Variants in SLC1A7 observed in about 807,000 individuals in gnomAD.
SLC1A7 encodes the protein excitatory amino acid transporter 5.
SLC1A7 carries 40 observed loss-of-function variants against 47.7 expected under a neutral mutation model. The observed-to-expected ratio is 0.84, with a 90% confidence interval of 0.65 to 1.09. The LOEUF (loss-of-function observed/expected upper bound fraction) is 1.09, where lower values mean the gene tolerates loss of function less well. Among genes scored for constraint, SLC1A7 ranks in the 50% least tolerant of loss-of-function variants. SLC1A7 has a pLI of 0.00. For synonymous variants in SLC1A7, 323 were observed against 325.6 expected (o/e 0.99, Z 0.09); for missense variants, 746 against 769.5 (o/e 0.97, Z 0.36).
chr1:53,136,663 TA>T (rs1645002582), intron 1 of SLC1A7, among the ~76,000 whole-genome samples: 1 of 46,142 alleles, frequency 2.2e-5, no homozygotes. Flanking sequence ...TATATATATA[TA>T]TATTTTTTTT....
intron 3 of SLC1A7, chr1:53,108,488 T>G (rs1644668682): frequency 1.4e-6 from 1 of 694,056 alleles, no homozygotes; most frequent in Non-Finnish European, 2.7e-6. Flanking sequence ...AAATGGGACC[T>G]GCCATCAAGC....
chr1:53,089,628 A>G (rs894686334), intron 9 of SLC1A7, among the ~76,000 whole-genome samples, 172 bp downstream of exon 9: 1 of 152,158 alleles, frequency 6.6e-6, no homozygotes, highest in African/African-American at 2.4e-5. Flanking sequence ...ACTGGACCCC[A>G]CAAATTATGC....
At chr1:53,101,537 C>T (rs1312932054) in intron 5 of SLC1A7, among the ~76,000 whole-genome samples, 2 of 142,430 alleles carry the variant, frequency 1.4e-5, no homozygotes, top group Non-Finnish European at 3.1e-5. Context: ...CCTGACTCGT[C>T]ACACTCACTC....
At position 53,114,396 on chromosome 1, in the gene SLC1A7, G is replaced by A. The variant is rs144699270; in HGVS notation, c.431+362C>T. ...CTACCGGTGACTCTGGAAAAGTCAC[G>A]GCACCTTTTTGAGCCCCATTTCCTC... On this transcript the variant is annotated intron_variant, in intron 3 of 10. Transcript: ENST00000371494. 1.4e-4 allele frequency among the ~76,000 whole-genome samples: 22 copies of A among 152,260 alleles called. No individual in the cohort carries two copies. The East Asian group carries it at 3.9e-3, about 27-fold the overall frequency.
chr1:53,105,858 A>G, intron 3 of SLC1A7, 84 bp from the exon 4 acceptor site: 1 of 1,124,222 alleles, frequency 8.9e-7, no homozygotes, highest in Non-Finnish European at 1.4e-6. Context: ...TCATCTGGAC[A>G]TCTCCTTTGG....
chr1:53,098,011 CA>C (rs1225426876), intron 5 of SLC1A7, among the ~76,000 whole-genome samples: 2 of 150,744 alleles, frequency 1.3e-5, no homozygotes, highest in African/African-American at 4.9e-5. Flanking sequence ...GGTACACTCA[CA>C]AACCCTGCCT....
Position 53,103,514 on chromosome 1 carries a change from C to A in SLC1A7, c.529G>T (p.Ala177Ser). The part of the protein sequence containing the change: ...VKSPKVAPEE[A>S]PPRRILIYGV... ...TAGATGAGGATCCGCCGAGGAGGGG[C>A]CTCCTCTGGTGCCACCTTGGGGGAC... is the stretch of plus-strand genomic sequence containing the variant. Residue 177 changes from alanine (A) to serine (S), a missense_variant, in exon 5 of 11, where the codon GCC (alanine) becomes TCC (serine). By Grantham distance (99) the Ala-to-Ser change is moderately conservative (BLOSUM62 1). Transcript: ENST00000371494. The A allele has an allele frequency of 3.1e-6, 5 of 1,612,226 alleles. No individual in the cohort carries two copies. Among genetic ancestry groups the A allele is most frequent in the Non-Finnish European group, 4.2e-6 (5 of 1,179,044 alleles).
In SLC1A7 at chr1:53,087,921, G is replaced by A; in HGVS notation, c.*88C>T. 1.4e-6 allele frequency: 1 copy of A among 691,454 alleles called. No individual in the cohort carries two copies. The highest frequency in any genetic ancestry group is 2.3e-6 in the Non-Finnish European group (1 of 444,108). The allele number at this position is 691,454 out of a possible 1,614,324, so 42.8% of individuals were successfully genotyped here. Reference sequence around the variant, plus strand: ...AGAAGAATGTGTGATCCTGGCCCCTGCCGGCTGCTCAGGAGGGTTGGAGAG... The same window carrying A: ...AGAAGAATGTGTGATCCTGGCCCCTACCGGCTGCTCAGGAGGGTTGGAGAG... On this transcript the variant is annotated 3_prime_UTR_variant, in exon 11 of 11. Coordinates refer to ENST00000371494, the MANE Select transcript of SLC1A7 (RefSeq NM_006671.6).
chr1:53,089,827 G>A lies in SLC1A7; in HGVS notation c.1334C>T (p.Thr445Ile). 4 of 1,614,024 alleles carry A rather than the reference G, an allele frequency of 2.5e-6. No homozygotes were observed. In the South Asian group the frequency reaches 4.4e-5, roughly 18 times the overall value. ...AGCCCAGTCAACGGCAATGATGAGGGTGATGTCATCGGTGGGCAGTCCCAC... is the reference window on the plus strand; with the variant it reads ...AGCCCAGTCAACGGCAATGATGAGGATGATGTCATCGGTGGGCAGTCCCAC... ...TSVGLPTDDI[T>I]LIIAVDWALD... Residue 445 changes from threonine to isoleucine, a missense_variant, in exon 9 of 11, where the codon ACC becomes ATC. By Grantham distance (89) the Thr-to-Ile change is moderately conservative. Coordinates refer to ENST00000371494, the MANE Select transcript of SLC1A7 (RefSeq NM_006671.6).
chr1:53,142,295 A>T lies in SLC1A7; in HGVS notation c.135+20T>A, dbSNP rs1015099490. On this transcript the variant is annotated intron_variant, in intron 1 of 10. Transcript: ENST00000371494. ...ACGCCCCTCCTGGACAGGGGTCCCGAGATGCTCTGGGTGGCTGACCTGTGG... is the reference window on the plus strand; with the variant it reads ...ACGCCCCTCCTGGACAGGGGTCCCGTGATGCTCTGGGTGGCTGACCTGTGG... The T allele has an allele frequency of 1.3e-6, 2 of 1,551,458 alleles. No homozygotes were observed. Among genetic ancestry groups the T allele is most frequent in the African/African-American group, 2.7e-5 (2 of 73,130 alleles).
At chr1:53,112,502 C>T (rs3766779) in intron 3 of SLC1A7, among the ~76,000 whole-genome samples, 5,262 of 152,280 alleles carry the variant, frequency 0.035, 229 homozygotes, top group East Asian at 0.14. Context: ...ATACAGGGAA[C>T]GAGAGTTTCT....
At chr1:53,136,619 T>TACATAATATATAA (rs1557693401) in intron 1 of SLC1A7, among the ~76,000 whole-genome samples, 1 of 107,290 alleles carries the variant, frequency 9.3e-6, no homozygotes, top group Non-Finnish European at 1.9e-5. Flanking sequence ...ATAATATATA[T>TACATAATATATAA]AAACATATAT....
chr1:53,089,876 TGAC>T lies in SLC1A7; in HGVS notation c.1282_1284del (p.Val428del). The T allele has an allele frequency of 1.2e-6, 2 of 1,613,678 alleles. No homozygotes were observed. Among genetic ancestry groups the T allele is most frequent in the African/African-American group, 2.7e-5 (2 of 74,946 alleles). On this transcript the variant is annotated inframe_deletion, in exon 9 of 11. Coordinates refer to ENST00000371494, the MANE Select transcript of SLC1A7 (RefSeq NM_006671.6). ...ACGGAGGTGAGCACGATGACCATGGTGACGAGGCCGGCCTGGGGGATGCCAGCT... is the reference window on the plus strand; with the variant it reads ...ACGGAGGTGAGCACGATGACCATGGTGAGGCCGGCCTGGGGGATGCCAGCT...
chr1:53,104,807 G>A (rs1644622069), intron 4 of SLC1A7, among the ~76,000 whole-genome samples: 1 of 152,186 alleles, frequency 6.6e-6, no homozygotes, highest in African/African-American at 2.4e-5. Flanking sequence ...GCTGGATTAA[G>A]TCAACCAACC....
intron 2 of SLC1A7, among the ~76,000 whole-genome samples, chr1:53,129,657 G>A (rs1304546001): frequency 7.0e-6 from 1 of 141,962 alleles, no homozygotes; most frequent in Non-Finnish European, 1.6e-5. Flanking sequence ...CCCTCCCACT[G>A]GGCCTCCTTT....
intron 5 of SLC1A7, 81 bp from the exon 6 acceptor site, chr1:53,093,641 C>T: frequency 9.7e-7 from 1 of 1,028,386 alleles, no homozygotes; most frequent in Non-Finnish European, 1.4e-6. Context: ...GCTGGCTTCC[C>T]AGCAGCCTTG....
chr1:53,113,941 T>A (rs1443484563), intron 3 of SLC1A7, among the ~76,000 whole-genome samples: 2 of 152,040 alleles, frequency 1.3e-5, no homozygotes, highest in Admixed American at 1.3e-4. Context: ...TGCCTCCCCA[T>A]CTTCCCCTCC....
Position 53,089,868 on chromosome 1 carries a change from G to A in SLC1A7, c.1293C>T (p.Val431=), listed in dbSNP as rs1644400375. The A allele has an allele frequency of 6.2e-7, 1 of 1,613,806 alleles. No individual in the cohort carries two copies. The highest frequency in any genetic ancestry group is 2.2e-5 in the East Asian group (1 of 44,892). The change falls in exon 9 of 11, where the codon GTC becomes GTT. Residue 431 remains valine, a synonymous_variant. Coordinates refer to ENST00000371494, the MANE Select transcript of SLC1A7 (RefSeq NM_006671.6). ...GCAGTCCCACGGAGGTGAGCACGAT[G>A]ACCATGGTGACGAGGCCGGCCTGGG... The part of the protein sequence containing the change: ...GIPQAGLVTM[V]IVLTSVGLPT...
At position 53,114,971 on chromosome 1, in the gene SLC1A7, A is replaced by G; in HGVS notation, c.218T>C (p.Leu73Ser). The G allele has an allele frequency of 1.2e-6, 2 of 1,613,532 alleles. No individual in the cohort carries two copies. Among genetic ancestry groups the G allele is most frequent in the Non-Finnish European group, 1.7e-6 (2 of 1,179,842 alleles). ...MMILPLVVSS[L>S]MSGLASLDAK... ...ATCCAGGGAGGCAAGTCCGGACATCAAGCTGGGAGGGCGAGGGGGTCAGGG... is the reference window on the plus strand; with the variant it reads ...ATCCAGGGAGGCAAGTCCGGACATCGAGCTGGGAGGGCGAGGGGGTCAGGG... The change falls in exon 3 of 11, where the codon TTG (leucine) becomes TCG (serine). Residue 73 changes from leucine (L) to serine (S), a missense_variant and splice_region_variant. Coordinates refer to ENST00000371494, the MANE Select transcript of SLC1A7 (RefSeq NM_006671.6).
Sources: gnomAD v4.1 joint callset for allele counts (sites outside exome capture counted in the v4.1 genomes callset) on GRCh38, gnomAD v4.1.1 for gene constraint, MANE v1.5 for transcripts, NCBI Gene and HGNC (gene_info 2026-07-23, HGNC 2026-07-21) for gene names.